Variants in COL4A2 observed in about 807,000 individuals in gnomAD.
The protein encoded by COL4A2 is collagen type IV alpha 2 chain, also known as collagen alpha-2(IV) chain.
Under a neutral mutation model 200.2 loss-of-function variants are expected in COL4A2, and 99 were observed. That is an observed-to-expected ratio of 0.49 (90% confidence interval 0.42 to 0.58). The LOEUF is 0.58. COL4A2 is among the 20% of genes least tolerant of loss of function. COL4A2 has a pLI of 0.00. For missense variants in COL4A2, 1,950 were observed against 2,314.1 expected (o/e 0.84, Z 3.23); for synonymous variants, 897 against 900.6 (o/e 1.00, Z 0.07).
intron 4 of COL4A2, among the ~76,000 whole-genome samples, chr13:110,390,599 T>C (rs1486664579): frequency 6.6e-6 from 1 of 152,226 alleles, no homozygotes; most frequent in Non-Finnish European, 1.5e-5. Context: ...TTCACTGAAC[T>C]CAGCAGTAGT....
chr13:110,490,131 G>A (rs1044047704), intron 36 of COL4A2, among the ~76,000 whole-genome samples: 4 of 152,162 alleles, frequency 2.6e-5, no homozygotes, highest in Non-Finnish European at 4.4e-5. Context: ...GCAGGTGGTC[G>A]CTGACCCGAG....
At chr13:110,488,484 C>T (rs1389538091) in intron 34 of COL4A2, among the ~76,000 whole-genome samples, 3 of 152,256 alleles carry the variant, frequency 2.0e-5, no homozygotes, top group African/African-American at 4.8e-5. Flanking sequence ...AGGAAGCCAC[C>T]GAGCAACTCA....
chr13:110,448,608 T>A (rs1290339231), intron 18 of COL4A2, among the ~76,000 whole-genome samples: 1 of 152,130 alleles, frequency 6.6e-6, no homozygotes, highest in Non-Finnish European at 1.5e-5. Context: ...GATAGAGGGG[T>A]TTGTATTAAA....
At chr13:110,366,693 T>A (rs1301503227) in intron 4 of COL4A2, among the ~76,000 whole-genome samples, 1 of 152,224 alleles carries the variant, frequency 6.6e-6, no homozygotes, top group Non-Finnish European at 1.5e-5. Context: ...TGCTTTATTT[T>A]GTCCATCATT....
intron 3 of COL4A2, among the ~76,000 whole-genome samples, chr13:110,338,925 T>C (rs1039111310): frequency 6.6e-6 from 1 of 152,198 alleles, no homozygotes; most frequent in Non-Finnish European, 1.5e-5. Flanking sequence ...TGCAGGACAA[T>C]GTTTGGAAGA....
intron 29 of COL4A2, among the ~76,000 whole-genome samples, chr13:110,474,182 A>G (rs1038060313): frequency 1.6e-4 from 25 of 152,132 alleles, no homozygotes; most frequent in African/African-American, 6.0e-4. Flanking sequence ...CGGTGCATTC[A>G]CTGTTTATCT....
At chr13:110,371,744 C>T (rs1036389240) in intron 4 of COL4A2, among the ~76,000 whole-genome samples, 5 of 151,960 alleles carry the variant, frequency 3.3e-5, no homozygotes, top group Admixed American at 2.0e-4. Context: ...TAGTGTAGGG[C>T]GGGCGGCGGG....
At chr13:110,459,051 C>CTGT in intron 22 of COL4A2, 117 bp downstream of exon 22, 2 of 1,035,534 alleles carry the variant, frequency 1.9e-6, no homozygotes, top group East Asian at 2.8e-5. Context: ...ACTCATGGAC[C>CTGT]CAAGGCATGG....
chr13:110,364,293 CA>C (rs1877647417), intron 4 of COL4A2, among the ~76,000 whole-genome samples: 1 of 152,168 alleles, frequency 6.6e-6, no homozygotes, highest in Non-Finnish European at 1.5e-5. Context: ...GGCTTTGGAG[CA>C]AAGGTGGTCT....
At chr13:110,406,628 G>A (rs1879580872) in intron 4 of COL4A2, among the ~76,000 whole-genome samples, 1 of 108,130 alleles carries the variant, frequency 9.2e-6, no homozygotes, top group South Asian at 2.9e-4. Flanking sequence ...TTTTTTAGTG[G>A]GACTCTTTTT....
intron 3 of COL4A2, among the ~76,000 whole-genome samples, chr13:110,335,951 G>A (rs1218089406): frequency 6.6e-6 from 1 of 152,224 alleles, no homozygotes; most frequent in African/African-American, 2.4e-5. Context: ...TTTGCAAAAA[G>A]AAGACTCTCG....
intron 3 of COL4A2, among the ~76,000 whole-genome samples, chr13:110,329,319 A>G (rs1594149335): frequency 2.0e-5 from 3 of 152,292 alleles, no homozygotes; most frequent in Admixed American, 1.3e-4. Flanking sequence ...CACCCCACTA[A>G]CATCATCTTG....
chr13:110,493,066 GAGTGA>G, intron 38 of COL4A2, 140 bp from the exon 39 acceptor site: 6 of 861,072 alleles, frequency 7.0e-6, no homozygotes, highest in South Asian at 2.8e-5. Flanking sequence ...AAATAACGAT[GAGTGA>G]CACCCCCATG....
intron 3 of COL4A2, among the ~76,000 whole-genome samples, chr13:110,314,063 G>C (rs1177774852): frequency 3.9e-5 from 6 of 152,252 alleles, no homozygotes; most frequent in Non-Finnish European, 8.8e-5. Context: ...AGCTGCACTA[G>C]TGGAAAAACT....
At chr13:110,451,623 T>C (rs1247392139) in intron 20 of COL4A2, among the ~76,000 whole-genome samples, 2 of 152,172 alleles carry the variant, frequency 1.3e-5, no homozygotes, top group Admixed American at 6.5e-5. Context: ...CTCACTATCG[T>C]GAGAACAGCA....
intron 3 of COL4A2, among the ~76,000 whole-genome samples, chr13:110,333,366 C>G (rs1390305690): frequency 6.6e-6 from 1 of 152,208 alleles, no homozygotes; most frequent in Admixed American, 6.5e-5. Context: ...GACCCAGTGT[C>G]CATCCCACAT....
chr13:110,317,677 T>A (rs7336422), intron 3 of COL4A2, among the ~76,000 whole-genome samples: 4,897 of 152,032 alleles, frequency 0.032, 253 homozygotes, highest in African/African-American at 0.11. Flanking sequence ...GAACCAAGAG[T>A]CCTGCAGACA....
intron 3 of COL4A2, among the ~76,000 whole-genome samples, chr13:110,326,681 C>G (rs578247924): frequency 6.6e-6 from 1 of 152,288 alleles, no homozygotes; most frequent in East Asian, 1.9e-4. Flanking sequence ...CCTGCTGCCC[C>G]GCGCCTGTCT....
At position 110,398,667 on chromosome 13, in the gene COL4A2, T is replaced by C. The variant is rs923634407; in HGVS notation, c.181-26067T>C. On this transcript the variant is annotated intron_variant, in intron 4 of 47. Coordinates refer to ENST00000360467, the MANE Select transcript of COL4A2 (RefSeq NM_001846.4). Reference sequence around the variant, plus strand: ...GAGACCGTGTCACTGCCCTCCAGTCTAGGTGACAGAGTGAGACTCTGTCAA... The same window carrying C: ...GAGACCGTGTCACTGCCCTCCAGTCCAGGTGACAGAGTGAGACTCTGTCAA... Among the ~76,000 whole-genome samples, 7 of 151,892 alleles carry C rather than the reference T, an allele frequency of 4.6e-5. No individual in the cohort carries two copies. The South Asian group carries it at 8.4e-4, about 18-fold the overall frequency.
Sources: gnomAD v4.1 joint callset for allele counts (sites outside exome capture counted in the v4.1 genomes callset) on GRCh38, gnomAD v4.1.1 for gene constraint, MANE v1.5 for transcripts, NCBI Gene and HGNC (gene_info 2026-07-23, HGNC 2026-07-21) for gene names.